Variants in LRP1B observed in about 807,000 individuals in gnomAD.
LRP1B encodes low-density lipoprotein receptor-related protein 1B.
LRP1B carries 217 observed loss-of-function variants against 556.6 expected under a neutral mutation model. The ratio of observed to expected loss-of-function variants is 0.39; its 90% CI spans 0.35 to 0.44. The LOEUF (loss-of-function observed/expected upper bound fraction) is 0.44. LRP1B is among the 20% of genes least tolerant of loss of function. The probability of loss-of-function intolerance (pLI) is 1.00; values close to 1 mark genes in which losing one functional copy is unlikely to be tolerated. For synonymous variants in LRP1B, 2,047 were observed against 1,865.8 expected (o/e 1.10, Z -2.50); for missense variants, 5,053 against 5,620.8 (o/e 0.90, Z 3.23).
At chr2:140,307,371 CT>C (rs1460246648) in intron 83 of LRP1B, among the ~76,000 whole-genome samples, 1 of 151,790 alleles carries the variant, frequency 6.6e-6, no homozygotes, top group East Asian at 1.9e-4. Flanking sequence ...ATTATTACTA[CT>C]ATTAATATTA....
chr2:140,932,647 A>G (rs2105273360), intron 20 of LRP1B, among the ~76,000 whole-genome samples: 1 of 151,986 alleles, frequency 6.6e-6, no homozygotes, highest in African/African-American at 2.4e-5. Flanking sequence ...CTGAAGTAGG[A>G]GGATCACTTG....
rs199861940 is a variant in LRP1B, at chr2:141,609,688, G to A, written c.206-129155C>T. ...CGAGCTCTGGCACTCTAGTGCTTTT[G>A]TCAGCTAACGCTTTATCTTTCAGAC... On this transcript the variant is annotated intron_variant, in intron 2 of 90. Transcript: ENST00000389484. 2.9e-4 allele frequency among the ~76,000 whole-genome samples: 44 copies of A among 152,260 alleles called. No individual in the cohort carries two copies. In the East Asian group the frequency reaches 7.9e-3, roughly 27 times the overall value.
chr2:140,331,709 T>C (rs972516365), intron 79 of LRP1B, among the ~76,000 whole-genome samples: 3 of 129,136 alleles, frequency 2.3e-5, no homozygotes, highest in Non-Finnish European at 5.2e-5. Flanking sequence ...ATATATATAA[T>C]TTTAAAAGGG....
At chr2:141,622,409 T>C (rs1270215456) in intron 2 of LRP1B, among the ~76,000 whole-genome samples, 2 of 152,212 alleles carry the variant, frequency 1.3e-5, no homozygotes, top group Non-Finnish European at 2.9e-5. Flanking sequence ...GGATTCTTTT[T>C]GATTTATGTG....
chr2:140,947,094 T>C (rs1375424065), intron 20 of LRP1B, among the ~76,000 whole-genome samples: 2 of 152,148 alleles, frequency 1.3e-5, no homozygotes, highest in Non-Finnish European at 2.9e-5. Flanking sequence ...ACAGAATTAA[T>C]AGAAGTCCAA....
chr2:141,183,869 C>T (rs1413724282), intron 7 of LRP1B, among the ~76,000 whole-genome samples: 3 of 152,014 alleles, frequency 2.0e-5, no homozygotes, highest in African/African-American at 7.2e-5. Context: ...ACTAAAATAT[C>T]TATTTACTTT....
chr2:141,912,165 T>C (rs780509012), intron 1 of LRP1B, among the ~76,000 whole-genome samples: 35 of 152,152 alleles, frequency 2.3e-4, no homozygotes, highest in Admixed American at 1.2e-3. Flanking sequence ...GGCTATCATC[T>C]GTGCATAAAT....
intron 6 of LRP1B, among the ~76,000 whole-genome samples, chr2:141,195,871 AGT>A (rs1347224154): frequency 6.6e-6 from 1 of 152,028 alleles, no homozygotes; most frequent in African/African-American, 2.4e-5. Context: ...AATGGCAGAG[AGT>A]GGCTGTTTAG....
intron 20 of LRP1B, among the ~76,000 whole-genome samples, chr2:140,928,543 T>G (rs1378771665): frequency 1.3e-5 from 2 of 152,088 alleles, no homozygotes; most frequent in Non-Finnish European, 2.9e-5. Flanking sequence ...AAAAGGAAGA[T>G]ACATCATTTC....
chr2:141,222,553 A>G (rs1683088667), intron 6 of LRP1B, among the ~76,000 whole-genome samples: 1 of 152,200 alleles, frequency 6.6e-6, no homozygotes, highest in Non-Finnish European at 1.5e-5. Flanking sequence ...TCCAGATACC[A>G]AAACCTGACA....
chr2:140,735,201 G>T (rs1377273003), intron 35 of LRP1B, among the ~76,000 whole-genome samples: 2 of 152,188 alleles, frequency 1.3e-5, no homozygotes, highest in African/African-American at 4.8e-5. Context: ...GATTTCATGA[G>T]AAGTGACGTG....
chr2:141,138,901 G>A (rs1345189031), intron 7 of LRP1B, among the ~76,000 whole-genome samples: 1 of 151,860 alleles, frequency 6.6e-6, no homozygotes, highest in African/African-American at 2.4e-5. Flanking sequence ...ACCTAGAATA[G>A]CCAATAACAG....
chr2:140,337,637 G>A (rs1174459781), intron 77 of LRP1B, among the ~76,000 whole-genome samples: 1 of 151,858 alleles, frequency 6.6e-6, no homozygotes, highest in Admixed American at 6.6e-5. Flanking sequence ...AAGCATATGT[G>A]TAATTTTCTA....
chr2:141,459,612 G>A (rs891379233), intron 3 of LRP1B, among the ~76,000 whole-genome samples: 1 of 152,050 alleles, frequency 6.6e-6, no homozygotes, highest in African/African-American at 2.4e-5. Flanking sequence ...ACTGAGTCAG[G>A]AGGGTGGGTC....
At chr2:140,265,897 T>A (rs1047736482) in intron 86 of LRP1B, among the ~76,000 whole-genome samples, 13 of 152,028 alleles carry the variant, frequency 8.6e-5, no homozygotes, top group Non-Finnish European at 1.0e-4. Flanking sequence ...TTATTTTTAA[T>A]TTTACTTATA....
intron 1 of LRP1B, among the ~76,000 whole-genome samples, chr2:141,891,741 C>T (rs1699297166): frequency 1.3e-5 from 2 of 152,176 alleles, no homozygotes; most frequent in South Asian, 2.1e-4. Context: ...ACATTTCTCC[C>T]TCTGTCTGTA....
intron 27 of LRP1B, among the ~76,000 whole-genome samples, chr2:140,859,687 C>A (rs1692729363): frequency 6.6e-6 from 1 of 151,924 alleles, no homozygotes; most frequent in Non-Finnish European, 1.5e-5. Flanking sequence ...TTAATGGTAA[C>A]CTTTGTTTAT....
At chr2:141,410,259 G>T (rs1690803721) in intron 3 of LRP1B, among the ~76,000 whole-genome samples, 1 of 151,896 alleles carries the variant, frequency 6.6e-6, no homozygotes, top group Admixed American at 6.6e-5. Context: ...CAATCCTATA[G>T]AAAACATTAA....
Position 140,275,728 on chromosome 2 carries a change from A to C in LRP1B, c.12968-1130T>G, listed in dbSNP as rs115269049. Among the ~76,000 whole-genome samples, 571 of 152,124 alleles carry C rather than the reference A, an allele frequency of 3.8e-3. 4 individuals are homozygous for C. The highest frequency in any genetic ancestry group is 0.013 in the African/African-American group (539 of 41,540). Reference sequence around the variant, plus strand: ...CTATTATCCTTTTCTAAGGTAAGAGACTAATCTTCCCATCAGTCACGAAAC... The same window carrying C: ...CTATTATCCTTTTCTAAGGTAAGAGCCTAATCTTCCCATCAGTCACGAAAC... On this transcript the variant is annotated intron_variant, in intron 84 of 90. Coordinates refer to ENST00000389484, the MANE Select transcript of LRP1B (RefSeq NM_018557.3).
Sources: allele counts gnomAD v4.1 joint callset (sites outside exome capture counted in the v4.1 genomes callset), GRCh38; gene constraint gnomAD v4.1.1; transcripts MANE v1.5; gene names NCBI Gene and HGNC (gene_info 2026-07-23, HGNC 2026-07-21).